CDH8: variants seen among roughly 807,000 people sequenced by gnomAD.
CDH8 encodes cadherin 8.
In CDH8, 17 loss-of-function variants were observed where a neutral mutation model predicts 68.1. The observed-to-expected ratio is 0.25, with a 90% CI of 0.17 to 0.37. CDH8 has a LOEUF of 0.37. Ranked by LOEUF, CDH8 falls within the 10% of genes least tolerant of loss-of-function variation. CDH8 has a pLI of 1.00. For synonymous variants in CDH8, 372 were observed against 365.1 expected (o/e 1.02, Z -0.21); for missense variants, 763 against 999.3 (o/e 0.76, Z 3.19).
At chr16:61,734,224 G>T (rs1015997313) in intron 8 of CDH8, among the ~76,000 whole-genome samples, 1 of 152,090 alleles carries the variant, frequency 6.6e-6, no homozygotes, top group Admixed American at 6.6e-5. Flanking sequence ...AGGTTGGAGG[G>T]TTTAAAGAGG....
chr16:61,970,096 A>T, intron 2 of CDH8, among the ~76,000 whole-genome samples: 1 of 152,196 alleles, frequency 6.6e-6, no homozygotes, highest in East Asian at 1.9e-4. Context: ...TACTTTCTAC[A>T]AGGTCACCCC....
intron 9 of CDH8, among the ~76,000 whole-genome samples, chr16:61,722,938 G>T (rs1302130498): frequency 6.6e-6 from 1 of 150,648 alleles, no homozygotes; most frequent in East Asian, 2.0e-4. Flanking sequence ...TTGTATGATA[G>T]TGATGAAGCT....
chr16:61,799,787 T>G (rs1048861414), intron 7 of CDH8, among the ~76,000 whole-genome samples: 2 of 152,226 alleles, frequency 1.3e-5, no homozygotes, highest in Non-Finnish European at 2.9e-5. Flanking sequence ...TAAAATGTCA[T>G]AAATGAGTAT....
intron 1 of CDH8, among the ~76,000 whole-genome samples, chr16:62,032,870 T>C (rs1039672128): frequency 6.6e-6 from 1 of 152,198 alleles, no homozygotes; most frequent in South Asian, 2.1e-4. Context: ...TTTTTTTCTT[T>C]AAAGCATTAA....
chr16:61,891,927 G>A (rs764235513), intron 3 of CDH8, among the ~76,000 whole-genome samples: 1 of 152,126 alleles, frequency 6.6e-6, no homozygotes, highest in Non-Finnish European at 1.5e-5. Context: ...AAATCTAGCC[G>A]AGAGGGAGAA....
intron 8 of CDH8, among the ~76,000 whole-genome samples, chr16:61,782,688 T>G (rs1483593046): frequency 6.6e-6 from 1 of 152,152 alleles, no homozygotes; most frequent in Non-Finnish European, 1.5e-5. Context: ...TAAATGTCCC[T>G]GTCTGACAGC....
chr16:61,661,678 G>A (rs886395239), intron 10 of CDH8, among the ~76,000 whole-genome samples: 10 of 151,484 alleles, frequency 6.6e-5, no homozygotes, highest in Admixed American at 1.3e-4. Flanking sequence ...TTCACCATCA[G>A]CCATATAAAA....
chr16:62,025,069 A>C (rs754057436), intron 1 of CDH8, among the ~76,000 whole-genome samples: 6 of 152,322 alleles, frequency 3.9e-5, no homozygotes, highest in Middle Eastern at 3.4e-3. Context: ...TAAGCCACTC[A>C]TATTGGCAGC....
intron 8 of CDH8, among the ~76,000 whole-genome samples, chr16:61,738,322 C>T (rs770187556): frequency 6.6e-6 from 1 of 152,142 alleles, no homozygotes; most frequent in South Asian, 2.1e-4. Context: ...TTATTACATT[C>T]GTCTTCAGTG....
chr16:61,792,948 T>C (rs1019762747), intron 7 of CDH8, among the ~76,000 whole-genome samples: 1 of 152,036 alleles, frequency 6.6e-6, no homozygotes, highest in Non-Finnish European at 1.5e-5. Flanking sequence ...CACAACATTC[T>C]ATGATTTGAA....
chr16:61,675,879 A>C (rs982476433), intron 10 of CDH8, among the ~76,000 whole-genome samples: 1 of 151,230 alleles, frequency 6.6e-6, no homozygotes, highest in African/African-American at 2.4e-5. Flanking sequence ...CTTTAGACTA[A>C]TGACAATATT....
intron 2 of CDH8, among the ~76,000 whole-genome samples, chr16:61,934,653 G>A (rs1055047415): frequency 5.9e-5 from 9 of 152,036 alleles, no homozygotes; most frequent in Non-Finnish European, 1.3e-4. Context: ...ATATCATTAT[G>A]AGTACAATGA....
At chr16:61,837,946 G>A (rs370138817) in intron 4 of CDH8, among the ~76,000 whole-genome samples, 23 of 151,926 alleles carry the variant, frequency 1.5e-4, no homozygotes, top group Middle Eastern at 3.4e-3. Flanking sequence ...GAGGGAAGCC[G>A]GAGGCAAAAA....
intron 2 of CDH8, among the ~76,000 whole-genome samples, chr16:61,946,671 T>C (rs1025671929): frequency 3.3e-5 from 5 of 152,160 alleles, no homozygotes; most frequent in African/African-American, 1.2e-4. Flanking sequence ...TACACAAGTT[T>C]TCTTCCATCT....
intron 2 of CDH8, among the ~76,000 whole-genome samples, chr16:61,981,681 T>TGTGCGCGC (rs747443852): frequency 1.4e-3 from 205 of 141,840 alleles, no homozygotes; most frequent in African/African-American, 5.5e-3. Context: ...TGTGTGTGTG[T>TGTGCGCGC]GCGCGCGCGC....
At chr16:61,763,713 A>C (rs1421752703) in intron 8 of CDH8, among the ~76,000 whole-genome samples, 2 of 152,140 alleles carry the variant, frequency 1.3e-5, no homozygotes, top group East Asian at 3.9e-4. Flanking sequence ...CACAATTCAC[A>C]TAGAGTAGAT....
chr16:61,738,137 T>TA (rs1959754987), intron 8 of CDH8, among the ~76,000 whole-genome samples: 1 of 152,136 alleles, frequency 6.6e-6, no homozygotes, highest in Admixed American at 6.6e-5. Flanking sequence ...GCTGTGGACT[T>TA]AGACATTTTT....
chr16:62,005,437 T>C (rs1190396756), intron 2 of CDH8, among the ~76,000 whole-genome samples: 1 of 151,944 alleles, frequency 6.6e-6, no homozygotes, highest in African/African-American at 2.4e-5. Flanking sequence ...AAAATCTCAT[T>C]CAATAATATG....
At chr16:61,692,804 T>C (rs1341417327) in intron 10 of CDH8, 4 of 152,078 alleles carry the variant, frequency 2.6e-5, no homozygotes, top group African/African-American at 7.2e-5. Flanking sequence ...AGATTGACTT[T>C]GGGAGGTCAG....
Sources: gnomAD v4.1 joint callset for allele counts (sites outside exome capture counted in the v4.1 genomes callset) on GRCh38, gnomAD v4.1.1 for gene constraint, MANE v1.5 for transcripts, NCBI Gene and HGNC (gene_info 2026-07-23, HGNC 2026-07-21) for gene names.